SIPA1L3: variants seen among roughly 807,000 people sequenced by gnomAD.
The protein encoded by SIPA1L3 is signal induced proliferation associated 1 like 3, also known as signal-induced proliferation-associated 1-like protein 3.
Under a neutral mutation model 150.1 loss-of-function variants are expected in SIPA1L3, and 59 were observed. That is an observed-to-expected ratio of 0.39 (90% CI 0.32 to 0.49). SIPA1L3 has a LOEUF of 0.49. SIPA1L3 is among the 20% of genes least tolerant of loss of function. SIPA1L3 has a pLI of 0.86. For synonymous variants in SIPA1L3, 1,070 were observed against 1,077.6 expected, an observed-to-expected ratio of 0.99 and a Z score of 0.14; for missense variants, 2,211 against 2,489.5, an observed-to-expected ratio of 0.89 and a Z score of 2.38.
At position 38,132,792 on chromosome 19, in the gene SIPA1L3, C is replaced by T. The variant is rs149741946; in HGVS notation, c.3143+2020C>T. Among the ~76,000 whole-genome samples, 421 of 151,698 alleles carry T rather than the reference C, an allele frequency of 2.8e-3. 2 individuals carry two copies. Among genetic ancestry groups the T allele is most frequent in the African/African-American group, 9.7e-3 (403 of 41,448 alleles). On this transcript the variant is annotated intron_variant, in intron 10 of 21. Coordinates refer to ENST00000222345, the MANE Select transcript of SIPA1L3 (RefSeq NM_015073.3). ...CCTCCTGAGTAGCTGGGATTACAGGCATGTAGCACCACACCTGGCTAAATT... is the reference window on the plus strand; with the variant it reads ...CCTCCTGAGTAGCTGGGATTACAGGTATGTAGCACCACACCTGGCTAAATT...
At chr19:37,962,463 C>CTTTTTTTTTTTTTTTTTTTTTT (rs71177491) in intron 1 of SIPA1L3, among the ~76,000 whole-genome samples, 1 of 73,096 alleles carries the variant, frequency 1.4e-5, no homozygotes, top group African/African-American at 7.1e-5. Context: ...TGCAGCCGGC[C>CTTTTTTTTTTTTTTTTTTTTTT]TTTTTTTTTT....
At chr19:38,045,547 G>C (rs1037282433) in intron 2 of SIPA1L3, among the ~76,000 whole-genome samples, 6 of 152,096 alleles carry the variant, frequency 3.9e-5, no homozygotes, top group Non-Finnish European at 8.8e-5. Context: ...ACTCCAGCCT[G>C]GGTGACAGAG....
At chr19:38,085,479 CAA>C (rs1169340957) in intron 3 of SIPA1L3, among the ~76,000 whole-genome samples, 13 of 66,132 alleles carry the variant, frequency 2.0e-4, no homozygotes, top group African/African-American at 2.2e-4. Context: ...GACTCCGTCT[CAA>C]AAAAAAAAAA....
At position 38,045,505 on chromosome 19, in the gene SIPA1L3, G is replaced by A. The variant is rs189938070; in HGVS notation, c.-311+16349G>A. Among the ~76,000 whole-genome samples, 432 of 149,120 alleles carry A rather than the reference G, an allele frequency of 2.9e-3. 2 individuals are homozygous for A. The highest frequency in any genetic ancestry group is 0.011 in the Admixed American group (162 of 15,044). ...GAGGATCGCTTGAGCCCGGGGGGTCGAGGCTGCAGTGAGCCATGATCACGC... is the reference window on the plus strand; with the variant it reads ...GAGGATCGCTTGAGCCCGGGGGGTCAAGGCTGCAGTGAGCCATGATCACGC... On this transcript the variant is annotated intron_variant, in intron 2 of 21. Transcript: ENST00000222345.
chr19:38,163,500 A>AAAC (rs1264058860), intron 14 of SIPA1L3, among the ~76,000 whole-genome samples: 3 of 151,600 alleles, frequency 2.0e-5, no homozygotes, highest in African/African-American at 7.3e-5. Flanking sequence ...AAAAAAAAAA[A>AAAC]AAAAAAAAAA....
chr19:38,160,652 T>C (rs1268917820), intron 13 of SIPA1L3, among the ~76,000 whole-genome samples: 1 of 151,906 alleles, frequency 6.6e-6, no homozygotes, highest in Non-Finnish European at 1.5e-5. Flanking sequence ...TCTGCCCGCC[T>C]CGGCCTCCCA....
chr19:37,950,721 G>T (rs780144487), intron 1 of SIPA1L3, among the ~76,000 whole-genome samples: 9 of 152,206 alleles, frequency 5.9e-5, no homozygotes, highest in Admixed American at 3.3e-4. Context: ...TGCTCCCTCC[G>T]CTGCGAGCCC....
intron 2 of SIPA1L3, among the ~76,000 whole-genome samples, chr19:38,068,657 T>G (rs1969650593): frequency 6.6e-6 from 1 of 152,012 alleles, no homozygotes; most frequent in Non-Finnish European, 1.5e-5. Flanking sequence ...GCCAGGAGTT[T>G]GAGGTTTTGT....
At chr19:38,159,786 G>A (rs1484977059) in intron 13 of SIPA1L3, among the ~76,000 whole-genome samples, 1 of 152,204 alleles carries the variant, frequency 6.6e-6, no homozygotes, top group Non-Finnish European at 1.5e-5. Context: ...ACGCAGCAGG[G>A]TAATGTATGC....
intron 3 of SIPA1L3, among the ~76,000 whole-genome samples, chr19:38,084,957 A>T (rs931554278): frequency 6.6e-6 from 1 of 151,976 alleles, no homozygotes; most frequent in African/African-American, 2.4e-5. Flanking sequence ...ACTAGTTTTT[A>T]AAAATATTTA....
chr19:38,132,751 G>A (rs973930127), intron 10 of SIPA1L3, among the ~76,000 whole-genome samples: 3 of 150,998 alleles, frequency 2.0e-5, no homozygotes, highest in East Asian at 2.0e-4. Flanking sequence ...GGGTTCCAGC[G>A]ATTCTCCTGT....
chr19:38,203,317 A>T (rs1039447009), intron 20 of SIPA1L3, among the ~76,000 whole-genome samples: 17 of 152,174 alleles, frequency 1.1e-4, no homozygotes, highest in African/African-American at 3.9e-4. Context: ...GCAGCTGCAG[A>T]TCCCCAAGAC....
At chr19:38,134,956 T>A (rs79307628) in intron 10 of SIPA1L3, among the ~76,000 whole-genome samples, 2,907 of 152,212 alleles carry the variant, frequency 0.019, 63 homozygotes, top group East Asian at 0.082. Flanking sequence ...GGGGTGACGA[T>A]GAGTGCCATA....
chr19:38,184,006 AAGAGG>A (rs1419882255), intron 16 of SIPA1L3, among the ~76,000 whole-genome samples: 8 of 152,164 alleles, frequency 5.3e-5, no homozygotes, highest in Non-Finnish European at 1.0e-4. Context: ...TTTAAAGTGA[AAGAGG>A]AGAGGGGTGT....
chr19:37,973,736 T>C (rs1967004345), intron 1 of SIPA1L3, among the ~76,000 whole-genome samples: 1 of 152,122 alleles, frequency 6.6e-6, no homozygotes, highest in Admixed American at 6.6e-5. Context: ...TTAAATTATT[T>C]GTCCTTTAGT....
intron 1 of SIPA1L3, among the ~76,000 whole-genome samples, chr19:38,013,115 C>T (rs833918): frequency 2.6e-5 from 4 of 152,082 alleles, no homozygotes; most frequent in South Asian, 2.1e-4. Flanking sequence ...TCTGAGCTCC[C>T]GTTGCCTCCT....
At chr19:37,997,654 G>A (rs1278730892) in intron 1 of SIPA1L3, among the ~76,000 whole-genome samples, 1 of 151,156 alleles carries the variant, frequency 6.6e-6, no homozygotes, top group Non-Finnish European at 1.5e-5. Flanking sequence ...GGATCACGAG[G>A]TCAAGAGATC....
chr19:37,936,126 G>A (rs536747915), intron 1 of SIPA1L3, among the ~76,000 whole-genome samples: 2 of 152,270 alleles, frequency 1.3e-5, no homozygotes, highest in East Asian at 3.9e-4. Context: ...CCTGTATCAA[G>A]AAGCCAAAGC....
In SIPA1L3 at chr19:38,033,667, ATACG is replaced by A. The variant is rs201874000; in HGVS notation, c.-311+4514_-311+4517del. On this transcript the variant is annotated intron_variant, in intron 2 of 21. Transcript: ENST00000222345. ...AGCCCCGGGCAATAGAGCGAGAGAGATACGTATGTGTGTGTGTGTGTGTGTGTGT... is the reference window on the plus strand; with the variant it reads ...AGCCCCGGGCAATAGAGCGAGAGAGATATGTGTGTGTGTGTGTGTGTGTGT... Among the ~76,000 whole-genome samples, 118 of 91,824 alleles carry A rather than the reference ATACG, an allele frequency of 1.3e-3. 1 individual carries two copies. In the East Asian group the frequency reaches 0.015, roughly 12 times the overall value. The allele number at this position is 91,824 out of a possible 152,430, so 60.2% of individuals were successfully genotyped here. A position where few individuals can be genotyped will look rare whatever the true frequency, so the allele number is the denominator to read the frequency against.
Sources: gnomAD v4.1 joint callset for allele counts (sites outside exome capture counted in the v4.1 genomes callset) on GRCh38, gnomAD v4.1.1 for gene constraint, MANE v1.5 for transcripts, NCBI Gene and HGNC (gene_info 2026-07-23, HGNC 2026-07-21) for gene names.